The following PCDHGB2 variants were observed in gnomAD, a reference collection of about 807,000 sequenced individuals.
PCDHGB2 encodes the protein protocadherin gamma subfamily B, 2.
Under a neutral mutation model 59.3 loss-of-function variants are expected in PCDHGB2, and 55 were observed. The ratio of observed to expected loss-of-function variants is 0.93; its 90% confidence interval spans 0.75 to 1.16. PCDHGB2 has a LOEUF of 1.16. PCDHGB2 is among the 50% of genes most tolerant of loss of function. PCDHGB2 has a pLI of 0.00. For synonymous variants in PCDHGB2, 516 were observed against 512.0 expected (o/e 1.01, Z -0.11); for missense variants, 1,228 against 1,198.5 (o/e 1.02, Z -0.36).
chr5:141,370,541 C>A (rs760146561), intron 1 of PCDHGB2: 2 of 1,613,924 alleles, frequency 1.2e-6, no homozygotes, highest in African/African-American at 1.3e-5. Flanking sequence ...TGGTAGGGAA[C>A]CTCGCCAAGG....
In PCDHGB2 at chr5:141,389,786, C is replaced by T. The variant is rs368188508; in HGVS notation, c.2421+27230C>T. 6.2e-6 allele frequency: 10 copies of T among 1,613,252 alleles called. No homozygotes were observed. The African/African-American group carries it at 1.1e-4, about 17-fold the overall frequency. The stretch of plus-strand genomic sequence containing the variant: ...CAGCGCGTGCCTTAGGCGACAGGGA[C>T]GCCGTCCGCCAGCGCCTTCTGGTCG... On this transcript the variant is annotated intron_variant, in intron 1 of 3. Transcript: ENST00000522605.
At chr5:141,447,797 T>C (rs536848880) in intron 1 of PCDHGB2, among the ~76,000 whole-genome samples, 16 of 152,022 alleles carry the variant, frequency 1.1e-4, no homozygotes, top group Admixed American at 7.9e-4. Context: ...TTTAAGAAAA[T>C]AAAATTGGCT....
At chr5:141,411,732 A>C (rs1437829295) in intron 1 of PCDHGB2, 4 of 152,694 alleles carry the variant, frequency 2.6e-5, no homozygotes, top group African/African-American at 9.7e-5. Flanking sequence ...ACATTTAAAA[A>C]TTAGCAGGGT....
intron 1 of PCDHGB2, among the ~76,000 whole-genome samples, chr5:141,456,690 C>T (rs893478646): frequency 7.2e-5 from 11 of 152,218 alleles, no homozygotes; most frequent in Admixed American, 5.2e-4. Flanking sequence ...ACTGGCCAGG[C>T]GTGGTGGCTC....
intron 1 of PCDHGB2, chr5:141,389,469 A>G: frequency 6.2e-7 from 1 of 1,613,246 alleles, no homozygotes; most frequent in Non-Finnish European, 8.5e-7. Flanking sequence ...CTTCGAACTC[A>G]CACTGCAGGC....
chr5:141,449,165 G>A (rs144669334), intron 1 of PCDHGB2, among the ~76,000 whole-genome samples: 3 of 152,234 alleles, frequency 2.0e-5, no homozygotes, highest in Admixed American at 1.3e-4. Context: ...GGAAATAGGT[G>A]TAATTTTCTT....
Position 141,410,843 on chromosome 5 carries a change from CTT to C in PCDHGB2, c.2421+48289_2421+48290del, listed in dbSNP as rs1452086070. 5.3e-4 allele frequency: 115 copies of C among 216,326 alleles called. 1 individual carries two copies. In the East Asian group the frequency reaches 7.7e-3, roughly 14 times the overall value. 13.4% of individuals were successfully genotyped at this position (216,326 alleles called of 1,614,324 possible). A position where few individuals can be genotyped will look rare whatever the true frequency, so the allele number is the denominator to read the frequency against. The stretch of plus-strand genomic sequence containing the variant: ...TGTCACCAGACTGAAGATATTTTGT[CTT>C]TGTCTTTTTTTTTTTTTTTTTTTTT... On this transcript the variant is annotated intron_variant, in intron 1 of 3. Transcript: ENST00000522605.
At chr5:141,425,321 G>A (rs1020940689) in intron 1 of PCDHGB2, among the ~76,000 whole-genome samples, 2 of 152,182 alleles carry the variant, frequency 1.3e-5, no homozygotes, top group South Asian at 2.1e-4. Flanking sequence ...CAAGATCGTG[G>A]AGAACAAAAA....
chr5:141,370,392 G>GGGATGGGAAATAGCTCC, intron 1 of PCDHGB2: 1 of 1,544,790 alleles, frequency 6.5e-7, no homozygotes, highest in Non-Finnish European at 8.7e-7. Context: ...CGCAGAGAGC[G>GGGATGGGAAATAGCTCC]GGATGGGAAA....
intron 2 of PCDHGB2, among the ~76,000 whole-genome samples, chr5:141,496,353 C>T (rs761547879): frequency 4.6e-5 from 7 of 152,210 alleles, no homozygotes; most frequent in Non-Finnish European, 8.8e-5. Context: ...AGTCTCAGAG[C>T]CCAGGGAGAG....
At chr5:141,429,523 A>G (rs1009016050) in intron 1 of PCDHGB2, among the ~76,000 whole-genome samples, 1 of 152,174 alleles carries the variant, frequency 6.6e-6, no homozygotes, top group Non-Finnish European at 1.5e-5. Context: ...CAGAGAAAAA[A>G]GCTTAAAAAA....
rs749086929 is a variant in PCDHGB2, at chr5:141,485,998, T to A, written c.2422-8809T>A. ...CAGACCCGGACCTGGGTCCCAGTGG[T>A]AACGTCACCTTTTATTTCAGTGGTC... On this transcript the variant is annotated intron_variant, in intron 1 of 3. Transcript: ENST00000522605. The surrounding 1 kb of genome is among the most constrained non-coding windows in gnomAD (Gnocchi z 5.7). 2.4e-5 allele frequency: 38 copies of A among 1,614,068 alleles called. No individual in the cohort carries two copies. Among genetic ancestry groups the A allele is most frequent in the Non-Finnish European group, 3.1e-5 (37 of 1,180,046 alleles).
intron 1 of PCDHGB2, chr5:141,415,337 G>A: frequency 1.2e-6 from 2 of 1,614,210 alleles, no homozygotes; most frequent in Non-Finnish European, 1.7e-6. Flanking sequence ...CACAGGCTGC[G>A]GCGCTGGCAC....
intron 1 of PCDHGB2, chr5:141,379,506 A>T (rs774188975): frequency 9.2e-5 from 14 of 152,280 alleles, no homozygotes; most frequent in Non-Finnish European, 1.8e-4. Context: ...TGGGATGTTA[A>T]ACTACATCTT....
chr5:141,470,444 A>G (rs970120314), intron 1 of PCDHGB2, among the ~76,000 whole-genome samples: 8 of 152,222 alleles, frequency 5.3e-5, no homozygotes, highest in African/African-American at 1.9e-4. Context: ...ATAATTTAAT[A>G]GCATCTTGAA....
rs111388524 is a variant in PCDHGB2, at chr5:141,376,009, A to C, written c.2421+13453A>C. On this transcript the variant is annotated intron_variant, in intron 1 of 3. Transcript: ENST00000522605. ...ACAGAGACGCGCTCAAGCAGAGCCTAGTGGTGGCCGTCCAGGACCACGGCC... is the reference window on the plus strand; with the variant it reads ...ACAGAGACGCGCTCAAGCAGAGCCTCGTGGTGGCCGTCCAGGACCACGGCC... 13,464 of 1,612,162 alleles carry C rather than the reference A, an allele frequency of 8.4e-3. 162 individuals carry two copies. The highest frequency in any genetic ancestry group is 0.039 in the African/African-American group (2,956 of 74,982).
chr5:141,485,546 G>C lies in PCDHGB2; in HGVS notation c.2422-9261G>C. The C allele has an allele frequency of 6.2e-7, 1 of 1,614,074 alleles. No individual in the cohort carries two copies. ...GTACCGAGCAGAGGTAGAGATCGTA[G>C]ATGTGAATGATCACGCCCCCCGTTT... is the stretch of plus-strand genomic sequence containing the variant. On this transcript the variant is annotated intron_variant, in intron 1 of 3. Coordinates refer to ENST00000522605, the MANE Select transcript of PCDHGB2 (RefSeq NM_018923.3). The surrounding 1 kb of genome is among the most constrained non-coding windows in gnomAD (Gnocchi z 5.7).
At chr5:141,370,514 G>C (rs1295709231) in intron 1 of PCDHGB2, 2 of 1,613,894 alleles carry the variant, frequency 1.2e-6, no homozygotes, top group East Asian at 2.2e-5. Context: ...TTCCCGAGGA[G>C]CTGGACAGGG....
intron 1 of PCDHGB2, chr5:141,419,209 G>C: frequency 6.2e-7 from 1 of 1,613,900 alleles, no homozygotes; most frequent in Admixed American, 1.7e-5. Context: ...ACAACGCGCC[G>C]GTTTTCGGAC....
Sources: gnomAD v4.1 joint callset for allele counts (sites outside exome capture counted in the v4.1 genomes callset) on GRCh38, gnomAD v4.1.1 for gene constraint, Gnocchi (gnomAD v3.1) non-coding constraint, MANE v1.5 for transcripts, NCBI Gene and HGNC (gene_info 2026-07-23, HGNC 2026-07-21) for gene names.